Variants in WWP2 observed in about 807,000 individuals in gnomAD.
WWP2 encodes the protein NEDD4-like E3 ubiquitin-protein ligase WWP2.
WWP2 carries 57 observed loss-of-function variants against 121.0 expected under a neutral mutation model. The ratio of observed to expected loss-of-function variants is 0.47; its 90% CI spans 0.38 to 0.59. WWP2 has a LOEUF of 0.59. Ranked by LOEUF, WWP2 falls within the 20% of genes least tolerant of loss-of-function variation. The pLI, the probability that WWP2 is intolerant of heterozygous loss-of-function variation, is 0.00. For synonymous variants in WWP2, 449 were observed against 441.3 expected (o/e 1.02, Z -0.22); for missense variants, 962 against 1,158.9 (o/e 0.83, Z 2.47).
intron 13 of WWP2, among the ~76,000 whole-genome samples, chr16:69,930,804 C>T (rs1390665915): frequency 6.6e-6 from 1 of 152,084 alleles, no homozygotes; most frequent in Non-Finnish European, 1.5e-5. Flanking sequence ...ACCAGGAATT[C>T]GAGGCCGCAG....
chr16:69,853,419 G>A (rs1416817102), intron 6 of WWP2, among the ~76,000 whole-genome samples: 1 of 152,182 alleles, frequency 6.6e-6, no homozygotes, highest in Admixed American at 6.5e-5. Context: ...TGGAGCCCCT[G>A]CCAGTCACCA....
intron 4 of WWP2, among the ~76,000 whole-genome samples, chr16:69,833,994 A>G (rs181234975): frequency 6.6e-6 from 1 of 152,258 alleles, no homozygotes; most frequent in African/African-American, 2.4e-5. Flanking sequence ...ACCTTTGCCC[A>G]AACCACCATC....
Position 69,799,254 on chromosome 16 carries a change from C to A in WWP2, c.299C>A (p.Ser100Tyr). The A allele has an allele frequency of 6.2e-7, 1 of 1,614,164 alleles. No homozygotes were observed. Among genetic ancestry groups the A allele is most frequent in the Admixed American group, 1.7e-5 (1 of 60,020 alleles). Residue 100 changes from serine to tyrosine, a missense_variant, in exon 4 of 24, where the codon TCT (serine) becomes TAT (tyrosine). Ser to Tyr is a moderately radical substitution (Grantham distance 144). This residue lies in a region of WWP2 where 145 missense variants were observed against 189.8 expected (regional missense o/e 0.76). Coordinates refer to ENST00000359154, the MANE Select transcript of WWP2 (RefSeq NM_001270454.2). The surrounding 1 kb of genome is among the most constrained non-coding windows in gnomAD (Gnocchi z 4.5). ...AGAAATGAACTGCTAGGCACCGCAT[C>A]TGTCAACCTCTCCAACGTCTTGAAG... is the stretch of plus-strand genomic sequence containing the variant. ...TLRNELLGTA[S>Y]VNLSNVLKNN...
chr16:69,893,118 T>A (rs2058054701), intron 8 of WWP2, among the ~76,000 whole-genome samples: 1 of 152,222 alleles, frequency 6.6e-6, no homozygotes, highest in African/African-American at 2.4e-5. Context: ...TTCCTTGCCA[T>A]CTTGTCCATT....
intron 4 of WWP2, among the ~76,000 whole-genome samples, chr16:69,830,640 G>T (rs941256115): frequency 6.6e-6 from 1 of 152,128 alleles, no homozygotes; most frequent in African/African-American, 2.4e-5. Context: ...TTGGGGGGCC[G>T]CGGGGAGGTG....
intron 1 of WWP2, among the ~76,000 whole-genome samples, chr16:69,783,507 A>G (rs932357941): frequency 6.6e-6 from 1 of 152,006 alleles, no homozygotes; most frequent in African/African-American, 2.4e-5. Context: ...GTGAGTAGCC[A>G]CTGTACTCTA....
At chr16:69,790,871 C>T (rs1041041248) in intron 2 of WWP2, among the ~76,000 whole-genome samples, 7 of 152,042 alleles carry the variant, frequency 4.6e-5, no homozygotes, top group East Asian at 1.9e-4. Context: ...CTACTGCACC[C>T]GGCCAGTGTT....
chr16:69,793,366 A>G lies in WWP2; in HGVS notation c.71-5316A>G, dbSNP rs1315263474. On this transcript the variant is annotated intron_variant, in intron 2 of 23. Transcript: ENST00000359154. ...GACTCCATCTAAAAAAATAATAATA[A>G]TAAATAAATAAATTCACTGGGACTG... Among the ~76,000 whole-genome samples the G allele has an allele frequency of 2.6e-5, 4 of 152,204 alleles. No individual in the cohort carries two copies. In the East Asian group the frequency reaches 5.8e-4, roughly 22 times the overall value.
intron 7 of WWP2, among the ~76,000 whole-genome samples, chr16:69,884,896 G>A (rs1273343485): frequency 6.6e-6 from 1 of 152,152 alleles, no homozygotes. Context: ...AATGAAGAAG[G>A]TGTGGTAGAA....
intron 4 of WWP2, among the ~76,000 whole-genome samples, chr16:69,815,733 G>A (rs2056476879): frequency 6.7e-6 from 1 of 150,142 alleles, no homozygotes; most frequent in South Asian, 2.1e-4. Flanking sequence ...GTTGCAGTGA[G>A]CCGAGATCGC....
At chr16:69,890,593 C>G (rs2058008632) in intron 8 of WWP2, among the ~76,000 whole-genome samples, 1 of 152,168 alleles carries the variant, frequency 6.6e-6, no homozygotes, top group African/African-American at 2.4e-5. Flanking sequence ...AAATGGCCGC[C>G]TGTGTCCCCA....
chr16:69,865,595 GAC>G (rs945392332), intron 6 of WWP2, among the ~76,000 whole-genome samples: 11 of 152,314 alleles, frequency 7.2e-5, no homozygotes, highest in African/African-American at 2.2e-4. Flanking sequence ...GGAAAGATGA[GAC>G]AGTAATTTAC....
At chr16:69,796,306 A>G (rs768247689) in intron 2 of WWP2, among the ~76,000 whole-genome samples, 2 of 152,202 alleles carry the variant, frequency 1.3e-5, no homozygotes, top group African/African-American at 4.8e-5. Flanking sequence ...AAAACCCATC[A>G]TAAGTTGAAC....
chr16:69,778,245 A>G (rs993268770), intron 1 of WWP2, among the ~76,000 whole-genome samples: 26 of 140,704 alleles, frequency 1.8e-4, no homozygotes, highest in African/African-American at 7.2e-4. Context: ...GTAAAGGGGG[A>G]CATTTTGACT....
chr16:69,816,681 A>T (rs2056497371), intron 4 of WWP2, among the ~76,000 whole-genome samples: 1 of 152,062 alleles, frequency 6.6e-6, no homozygotes, highest in African/African-American at 2.4e-5. Context: ...ATTCCCTCAT[A>T]TGTATATACA....
At chr16:69,770,859 G>A (rs554946885) in intron 1 of WWP2, among the ~76,000 whole-genome samples, 4 of 152,024 alleles carry the variant, frequency 2.6e-5, no homozygotes, top group African/African-American at 7.2e-5. Flanking sequence ...GGGGCTGGGC[G>A]TGGTGGCTCA....
chr16:69,853,097 G>C (rs1347925495), intron 6 of WWP2, among the ~76,000 whole-genome samples: 1 of 152,198 alleles, frequency 6.6e-6, no homozygotes, highest in Non-Finnish European at 1.5e-5. Flanking sequence ...CAATGGTAAG[G>C]CTATTTCTGC....
intron 1 of WWP2, among the ~76,000 whole-genome samples, chr16:69,777,850 T>C (rs530341084): frequency 2.0e-4 from 30 of 150,774 alleles, no homozygotes; most frequent in African/African-American, 7.3e-4. Flanking sequence ...GAGGATTGCC[T>C]GAGCTCAAGA....
intron 6 of WWP2, among the ~76,000 whole-genome samples, chr16:69,864,737 T>G (rs2057488100): frequency 6.6e-6 from 1 of 151,724 alleles, no homozygotes; most frequent in African/African-American, 2.4e-5. Context: ...TTTTTTTTTT[T>G]TTGAGACAGA....
Sources: allele counts gnomAD v4.1 joint callset (sites outside exome capture counted in the v4.1 genomes callset), GRCh38; gene constraint gnomAD v4.1.1; regional missense constraint gnomAD v4.1.1; non-coding constraint Gnocchi (gnomAD v3.1); transcripts MANE v1.5; gene names NCBI Gene and HGNC (gene_info 2026-07-23, HGNC 2026-07-21).